The following NRG3 variants were observed in gnomAD, a reference collection of about 807,000 sequenced individuals.
The protein encoded by NRG3 is pro-neuregulin-3, membrane-bound isoform.
NRG3 carries 31 observed loss-of-function variants against 66.9 expected under a neutral mutation model. The ratio of observed to expected loss-of-function variants is 0.46; its 90% CI spans 0.35 to 0.63. The LOEUF (loss-of-function observed/expected upper bound fraction) is 0.63, where lower values mean the gene tolerates loss of function less well. Among genes scored for constraint, NRG3 ranks in the 20% least tolerant of loss-of-function variants. The pLI, the probability that NRG3 is intolerant of heterozygous loss-of-function variation, is 0.00. For synonymous variants in NRG3, 393 were observed against 359.4 expected, an observed-to-expected ratio of 1.09 and a Z score of -1.06; for missense variants, 910 against 878.9, an observed-to-expected ratio of 1.04 and a Z score of -0.45.
chr10:82,380,704 T>G (rs2085559872), intron 2 of NRG3, among the ~76,000 whole-genome samples: 1 of 152,166 alleles, frequency 6.6e-6, no homozygotes, highest in African/African-American at 2.4e-5. Context: ...TGAGGGATTC[T>G]AGTAGAAGTG....
At chr10:82,509,261 G>T (rs1400590561) in intron 2 of NRG3, among the ~76,000 whole-genome samples, 1 of 152,120 alleles carries the variant, frequency 6.6e-6, no homozygotes, top group African/African-American at 2.4e-5. Context: ...AGGGGTACAT[G>T]TTCAGGTTTG....
At chr10:82,224,906 AAAAC>A (rs1399120167) in intron 1 of NRG3, among the ~76,000 whole-genome samples, 14 of 152,226 alleles carry the variant, frequency 9.2e-5, no homozygotes, top group African/African-American at 2.9e-4. Flanking sequence ...GAGACTTTCT[AAAAC>A]AAACAAGAAT....
chr10:82,386,726 T>G (rs1191120316), intron 2 of NRG3, among the ~76,000 whole-genome samples: 1 of 152,176 alleles, frequency 6.6e-6, no homozygotes, highest in African/African-American at 2.4e-5. Flanking sequence ...TCAAATTACT[T>G]CTTGGAGGCT....
At chr10:82,971,028 G>T (rs930797756) in intron 6 of NRG3, among the ~76,000 whole-genome samples, 1 of 152,128 alleles carries the variant, frequency 6.6e-6, no homozygotes, top group Non-Finnish European at 1.5e-5. Flanking sequence ...TCTGCTCATG[G>T]CGGAAGGGAA....
At chr10:82,522,474 C>A (rs1004140688) in intron 2 of NRG3, among the ~76,000 whole-genome samples, 1 of 152,028 alleles carries the variant, frequency 6.6e-6, no homozygotes. Context: ...ATAATAACAT[C>A]AAAAATCGCT....
intron 4 of NRG3, among the ~76,000 whole-genome samples, chr10:82,950,027 G>A (rs901379116): frequency 1.3e-5 from 2 of 152,084 alleles, no homozygotes; most frequent in African/African-American, 4.8e-5. Flanking sequence ...GTGTTTCTCA[G>A]ACCAGTAGCA....
chr10:82,461,740 A>G (rs2091525240), intron 2 of NRG3, among the ~76,000 whole-genome samples: 1 of 152,246 alleles, frequency 6.6e-6, no homozygotes, highest in African/African-American at 2.4e-5. Context: ...GGTGCATTGA[A>G]TAACTGAATG....
At chr10:82,979,149 G>C in intron 8 of NRG3, 29 bp downstream of exon 8, 1 of 1,609,536 alleles carries the variant, frequency 6.2e-7, no homozygotes. Context: ...GTGGAATTTA[G>C]GGAGGGTGTC....
chr10:81,953,129 C>G (rs1849531771), intron 1 of NRG3, among the ~76,000 whole-genome samples: 1 of 152,122 alleles, frequency 6.6e-6, no homozygotes, highest in Non-Finnish European at 1.5e-5. Flanking sequence ...TCATTTCTCT[C>G]TAACACTCTT....
chr10:82,106,447 G>C (rs1202861381), intron 1 of NRG3, among the ~76,000 whole-genome samples: 2 of 151,904 alleles, frequency 1.3e-5, no homozygotes, highest in Non-Finnish European at 2.9e-5. Context: ...AATCACCTAA[G>C]GTTAGGCTAG....
intron 4 of NRG3, among the ~76,000 whole-genome samples, chr10:82,917,734 C>A (rs555681815): frequency 5.3e-5 from 8 of 152,010 alleles, no homozygotes; most frequent in African/African-American, 1.2e-4. Flanking sequence ...AAGTCTCTTG[C>A]TGCCTAGAAG....
intron 1 of NRG3, among the ~76,000 whole-genome samples, chr10:81,981,637 T>G (rs2060336209): frequency 6.6e-6 from 1 of 152,244 alleles, no homozygotes; most frequent in Non-Finnish European, 1.5e-5. Context: ...GAGACAGCCT[T>G]GGCTTTCCAT....
intron 2 of NRG3, among the ~76,000 whole-genome samples, chr10:82,547,369 C>A (rs1402614250): frequency 6.6e-6 from 1 of 150,848 alleles, no homozygotes; most frequent in Non-Finnish European, 1.5e-5. Context: ...ACAAATACAT[C>A]TATCTATATA....
At chr10:82,456,160 T>C (rs1402376167) in intron 2 of NRG3, among the ~76,000 whole-genome samples, 1 of 140,182 alleles carries the variant, frequency 7.1e-6, no homozygotes, top group Admixed American at 7.5e-5. Context: ...TTTTTTTTGG[T>C]AGAGAGAGGG....
intron 2 of NRG3, among the ~76,000 whole-genome samples, chr10:82,424,585 A>C (rs1461978101): frequency 6.6e-6 from 1 of 151,986 alleles, no homozygotes; most frequent in Admixed American, 6.6e-5. Context: ...CCATTTTGTG[A>C]ATTATCTTTT....
intron 4 of NRG3, among the ~76,000 whole-genome samples, chr10:82,942,981 A>G (rs1458679525): frequency 2.6e-5 from 4 of 152,200 alleles, no homozygotes; most frequent in Non-Finnish European, 5.9e-5. Flanking sequence ...GTTAAAAAAA[A>G]AAGACATAAA....
intron 1 of NRG3, among the ~76,000 whole-genome samples, chr10:82,300,019 C>T (rs185137810): frequency 4.6e-5 from 7 of 152,172 alleles, no homozygotes; most frequent in East Asian, 1.9e-4. Flanking sequence ...CAGGAGTACA[C>T]GTGTACACGC....
At chr10:82,383,264 T>C (rs2085742447) in intron 2 of NRG3, among the ~76,000 whole-genome samples, 2 of 152,010 alleles carry the variant, frequency 1.3e-5, no homozygotes. Flanking sequence ...GTAATTTTTT[T>C]CATAAAATCA....
intron 2 of NRG3, among the ~76,000 whole-genome samples, chr10:82,658,170 A>G: frequency 6.6e-6 from 1 of 152,190 alleles, no homozygotes; most frequent in Non-Finnish European, 1.5e-5. Flanking sequence ...AATTAAATCC[A>G]GCCACACTTT....
Sources: allele counts gnomAD v4.1 joint callset (sites outside exome capture counted in the v4.1 genomes callset), GRCh38; gene constraint gnomAD v4.1.1; transcripts MANE v1.5; gene names NCBI Gene and HGNC (gene_info 2026-07-23, HGNC 2026-07-21).